The following GPHN variants were observed in gnomAD, a reference collection of about 807,000 sequenced individuals.
GPHN encodes gephyrin.
Under a neutral mutation model 95.5 loss-of-function variants are expected in GPHN, and 17 were observed. The observed-to-expected ratio is 0.18, with a 90% CI of 0.12 to 0.27. GPHN has a LOEUF of 0.27. Ranked by LOEUF, GPHN falls within the 10% of genes least tolerant of loss-of-function variation. The pLI is 1.00. For synonymous variants in GPHN, 320 were observed against 322.5 expected (o/e 0.99, Z 0.08); for missense variants, 660 against 978.1 (o/e 0.67, Z 4.34).
At chr14:66,739,783 A>C (rs1262125246) in intron 2 of GPHN, among the ~76,000 whole-genome samples, 1 of 152,122 alleles carries the variant, frequency 6.6e-6, no homozygotes, top group Non-Finnish European at 1.5e-5. Context: ...TCAACCCTAC[A>C]TAGACATTAA....
chr14:67,536,112 C>T, the GPHN span, among the ~76,000 whole-genome samples: 1 of 148,882 alleles, frequency 6.7e-6, no homozygotes, highest in African/African-American at 2.6e-5. Flanking sequence ...GAATGTTGTA[C>T]CTGGTTGTCC....
At chr14:67,440,303 C>T in the GPHN span, among the ~76,000 whole-genome samples, 1 of 152,136 alleles carries the variant, frequency 6.6e-6, no homozygotes, top group Non-Finnish European at 1.5e-5. Flanking sequence ...TGTAAAGTTA[C>T]ATGAAATGTG....
chr14:67,061,686 T>C (rs950523484), intron 11 of GPHN, among the ~76,000 whole-genome samples: 2 of 151,744 alleles, frequency 1.3e-5, no homozygotes, highest in African/African-American at 4.8e-5. Flanking sequence ...TATATATCCT[T>C]TTTTTTTAAG....
chr14:67,071,420 G>A (rs1401421897), intron 11 of GPHN, among the ~76,000 whole-genome samples: 2 of 151,982 alleles, frequency 1.3e-5, no homozygotes, highest in South Asian at 2.1e-4. Flanking sequence ...ACTCATAGGT[G>A]GGAATTGAAC....
At chr14:67,039,221 C>G (rs1029799298) in intron 10 of GPHN, among the ~76,000 whole-genome samples, 19 of 152,150 alleles carry the variant, frequency 1.2e-4, no homozygotes, top group Admixed American at 1.2e-3. Context: ...TTCGCATTCT[C>G]TAAAAGTACT....
chr14:67,133,475 G>A (rs2079850317), intron 17 of GPHN, among the ~76,000 whole-genome samples: 2 of 152,070 alleles, frequency 1.3e-5, no homozygotes, highest in South Asian at 4.1e-4. Flanking sequence ...CCAAGACAGA[G>A]CCTTTACCAT....
At chr14:67,691,299 T>C in the GPHN span, 1 of 1,226,856 alleles carries the variant, frequency 8.2e-7, no homozygotes. Flanking sequence ...TATTACATCT[T>C]AGAAAGCTGC....
At chr14:67,192,428 C>G in the GPHN span, among the ~76,000 whole-genome samples, 1 of 151,634 alleles carries the variant, frequency 6.6e-6, no homozygotes, top group African/African-American at 2.4e-5. Context: ...ATTTTTGAGT[C>G]ACCAAAGTTA....
chr14:67,193,964 A>C, the GPHN span, among the ~76,000 whole-genome samples: 1 of 147,164 alleles, frequency 6.8e-6, no homozygotes, highest in Non-Finnish European at 1.5e-5. Flanking sequence ...CAAAAAAAAA[A>C]CGAAAAACAA....
At chr14:67,347,858 A>G in the GPHN span, among the ~76,000 whole-genome samples, 1 of 151,868 alleles carries the variant, frequency 6.6e-6, no homozygotes, top group East Asian at 1.9e-4. Flanking sequence ...CTCAAAAATC[A>G]AGAGCTTAAG....
intron 9 of GPHN, among the ~76,000 whole-genome samples, chr14:66,987,940 A>G (rs1374355558): frequency 6.6e-6 from 1 of 152,128 alleles, no homozygotes; most frequent in Non-Finnish European, 1.5e-5. Context: ...ATGTAGCTCC[A>G]TCGAAAGCTG....
chr14:67,668,369 G>C, the GPHN span, among the ~76,000 whole-genome samples: 8 of 152,162 alleles, frequency 5.3e-5, no homozygotes, highest in East Asian at 1.9e-4. Context: ...ATTGTAAGTG[G>C]TAATGGACAG....
the GPHN span, chr14:67,561,869 C>CA: frequency 0.042 from 31,635 of 753,468 alleles, 28 homozygotes; most frequent in African/African-American, 0.061. Context: ...GACCCTGTCT[C>CA]AAAAAAAAAA....
At chr14:67,111,948 C>A (rs370356457) in intron 15 of GPHN, 29 bp downstream of exon 15, 2 of 1,537,824 alleles carry the variant, frequency 1.3e-6, no homozygotes, top group Non-Finnish European at 1.8e-6. Flanking sequence ...GAATATATAG[C>A]CTACTTTTGT....
the GPHN span, chr14:67,692,715 G>A: frequency 8.4e-7 from 1 of 1,193,564 alleles, no homozygotes; most frequent in Non-Finnish European, 1.2e-6. Flanking sequence ...TCACAACAGA[G>A]GTATCTGATT....
chr14:66,575,608 G>A (rs114565335), intron 1 of GPHN, among the ~76,000 whole-genome samples: 13 of 152,310 alleles, frequency 8.5e-5, no homozygotes, highest in African/African-American at 3.1e-4. Context: ...CAGTTTGTCA[G>A]GCCTGGTGCC....
At chr14:67,495,683 T>C in the GPHN span, among the ~76,000 whole-genome samples, 6,617 of 152,266 alleles carry the variant, frequency 0.043, 183 homozygotes, top group East Asian at 0.092. Flanking sequence ...GGGGTTTCAC[T>C]GTGTTGGCCA....
chr14:66,800,184 A>G (rs550191046), intron 3 of GPHN, among the ~76,000 whole-genome samples: 1 of 151,946 alleles, frequency 6.6e-6, no homozygotes, highest in Non-Finnish European at 1.5e-5. Context: ...AGTTTTTATA[A>G]TTATTATTTT....
the GPHN span, chr14:67,725,130 A>G: frequency 7.4e-6 from 12 of 1,614,154 alleles, no homozygotes; most frequent in Non-Finnish European, 1.0e-5. Context: ...GCAGAGATGT[A>G]CTGAAGGGGG....
Sources: gnomAD v4.1 joint callset for allele counts (sites outside exome capture counted in the v4.1 genomes callset) on GRCh38, gnomAD v4.1.1 for gene constraint, MANE v1.5 for transcripts, NCBI Gene and HGNC (gene_info 2026-07-23, HGNC 2026-07-21) for gene names.